Variants in ADAMTS6 observed in about 807,000 individuals in gnomAD.
ADAMTS6 encodes ADAM metallopeptidase with thrombospondin type 1 motif 6.
Under a neutral mutation model 144.3 loss-of-function variants are expected in ADAMTS6, and 23 were observed. That is an observed-to-expected ratio of 0.16 (90% CI 0.11 to 0.23). The LOEUF is 0.23. Among genes scored for constraint, ADAMTS6 ranks in the 10% least tolerant of loss-of-function variants. The probability of loss-of-function intolerance (pLI) is 1.00; values close to 1 mark genes in which losing one functional copy is unlikely to be tolerated. For synonymous variants in ADAMTS6, 444 were observed against 457.5 expected, an observed-to-expected ratio of 0.97 and a Z score of 0.38; for missense variants, 999 against 1,379.6, an observed-to-expected ratio of 0.72 and a Z score of 4.37.
chr5:65,404,305 C>T (rs143791076), intron 7 of ADAMTS6, among the ~76,000 whole-genome samples: 2 of 152,050 alleles, frequency 1.3e-5, no homozygotes, highest in Admixed American at 6.6e-5. Context: ...CTGCCCCTAC[C>T]CCATGACAGG....
intron 7 of ADAMTS6, among the ~76,000 whole-genome samples, chr5:65,399,205 G>A (rs1042935174): frequency 2.6e-5 from 4 of 152,172 alleles, no homozygotes; most frequent in Non-Finnish European, 4.4e-5. Context: ...GCAGTGAGCC[G>A]AGATTGCACC....
chr5:65,209,325 G>A (rs1756333180), intron 20 of ADAMTS6, among the ~76,000 whole-genome samples: 1 of 152,162 alleles, frequency 6.6e-6, no homozygotes, highest in Non-Finnish European at 1.5e-5. Context: ...ATATGTTTGG[G>A]TAAGGAATAC....
rs137954647 is a variant in ADAMTS6, at chr5:65,154,140, G to A, written c.3245-2195C>T. Among the ~76,000 whole-genome samples the A allele has an allele frequency of 4.5e-3, 692 of 152,278 alleles. 12 individuals are homozygous for A. The highest frequency in any genetic ancestry group is 4.2e-3 in the Non-Finnish European group (288 of 68,020). On this transcript the variant is annotated intron_variant, in intron 24 of 24. Coordinates refer to ENST00000381055, the MANE Select transcript of ADAMTS6 (RefSeq NM_197941.4). ...CAAGAATCACTTGAACCCGGGAGGC[G>A]GAGGTTGCAGTGAGCTGAGATTGTG...
chr5:65,159,717 C>G (rs1752640437), intron 24 of ADAMTS6, among the ~76,000 whole-genome samples: 1 of 152,196 alleles, frequency 6.6e-6, no homozygotes, highest in Non-Finnish European at 1.5e-5. Context: ...CCTTTGAGAA[C>G]AGGGAACCTG....
At chr5:65,403,421 T>A (rs1648167942) in intron 7 of ADAMTS6, among the ~76,000 whole-genome samples, 3 of 152,140 alleles carry the variant, frequency 2.0e-5, no homozygotes, top group Admixed American at 2.0e-4. Context: ...TCCAGGCTCA[T>A]CAACAAGCAT....
At chr5:65,368,114 T>A (rs1320424914) in intron 7 of ADAMTS6, among the ~76,000 whole-genome samples, 4 of 152,198 alleles carry the variant, frequency 2.6e-5, no homozygotes. Flanking sequence ...TAAAGGTTAC[T>A]TAACTTTTAA....
intron 7 of ADAMTS6, among the ~76,000 whole-genome samples, chr5:65,348,395 T>C (rs555504086): frequency 1.4e-4 from 22 of 152,226 alleles, no homozygotes; most frequent in African/African-American, 5.1e-4. Context: ...GTAAGTGAAA[T>C]AAGCCAGGCA....
At chr5:65,373,685 A>G (rs1561476604) in intron 7 of ADAMTS6, among the ~76,000 whole-genome samples, 1 of 152,210 alleles carries the variant, frequency 6.6e-6, no homozygotes, top group Non-Finnish European at 1.5e-5. Context: ...AGGTACAAGG[A>G]GAAACTGGTA....
chr5:65,252,844 T>C (rs1353042833), intron 14 of ADAMTS6, among the ~76,000 whole-genome samples: 1 of 152,090 alleles, frequency 6.6e-6, no homozygotes, highest in Non-Finnish European at 1.5e-5. Context: ...TAAACACAGT[T>C]GAATCAGCCT....
At chr5:65,164,669 C>T (rs559186452) in intron 24 of ADAMTS6, among the ~76,000 whole-genome samples, 15 of 149,586 alleles carry the variant, frequency 1.0e-4, no homozygotes, top group South Asian at 4.3e-4. Flanking sequence ...TCTCCCAGCA[C>T]GCAGCTGGAG....
Position 65,376,608 on chromosome 5 carries a change from G to C in ADAMTS6, c.1074-42523C>G, listed in dbSNP as rs112648670. On this transcript the variant is annotated intron_variant, in intron 7 of 24. Coordinates refer to ENST00000381055, the MANE Select transcript of ADAMTS6 (RefSeq NM_197941.4). ...GAACTTTGGGAGGCCAAGGCAGGTG[G>C]ATCAATTGCCTCAGGAATTCAAGAC... is the stretch of plus-strand genomic sequence containing the variant. 7.5e-3 allele frequency among the ~76,000 whole-genome samples: 1,147 copies of C among 152,248 alleles called. 16 individuals are homozygous for C. The highest frequency in any genetic ancestry group is 0.027 in the African/African-American group (1,115 of 41,552).
In ADAMTS6 at chr5:65,230,606, A is replaced by G. The variant is rs1758123057; in HGVS notation, c.1934-4387T>C. 2.0e-5 allele frequency among the ~76,000 whole-genome samples: 2 copies of G among 99,514 alleles called. 1 individual carries two copies. Among genetic ancestry groups the G allele is most frequent in the Non-Finnish European group, 3.9e-5 (2 of 51,762 alleles). 65.3% of individuals were successfully genotyped at this position (99,514 alleles called of 152,430 possible). The stretch of plus-strand genomic sequence containing the variant: ...AAATATATAATACATGATATATATG[A>G]AATATATATAACACATATGTATGAA... On this transcript the variant is annotated intron_variant, in intron 15 of 24. Coordinates refer to ENST00000381055, the MANE Select transcript of ADAMTS6 (RefSeq NM_197941.4).
intron 7 of ADAMTS6, among the ~76,000 whole-genome samples, chr5:65,423,964 C>G (rs1319702780): frequency 6.6e-6 from 1 of 151,740 alleles, no homozygotes; most frequent in Non-Finnish European, 1.5e-5. Context: ...TAATTTTTTT[C>G]TTTCTTAAAT....
At chr5:65,431,111 T>C (rs1275564027) in intron 7 of ADAMTS6, among the ~76,000 whole-genome samples, 3 of 152,184 alleles carry the variant, frequency 2.0e-5, no homozygotes, top group African/African-American at 7.2e-5. Flanking sequence ...TTCAAGGTAT[T>C]TCTTGGAGGA....
intron 7 of ADAMTS6, chr5:65,416,308 G>A (rs968545078): frequency 1.3e-5 from 2 of 152,846 alleles, no homozygotes; most frequent in Non-Finnish European, 2.9e-5. Flanking sequence ...TGGTGATGAT[G>A]TGAAGAAACT....
In ADAMTS6 at chr5:65,215,404, C is replaced by G. The variant is rs989807876; in HGVS notation, c.2356G>C (p.Ala786Pro). 13 of 1,614,046 alleles carry G rather than the reference C, an allele frequency of 8.1e-6. No homozygotes were observed. The highest frequency in any genetic ancestry group is 1.1e-5 in the Non-Finnish European group (13 of 1,179,924). Residue 786 changes from alanine to proline, a missense_variant, in exon 19 of 25, where the codon GCT (alanine) becomes CCT (proline). This residue lies in a region of ADAMTS6 where 619 missense variants were observed against 837.0 expected (regional missense o/e 0.74). Transcript: ENST00000381055. The stretch of plus-strand genomic sequence containing the variant: ...TCAGTTGGTCTCTTGTAATGAAAAG[C>G]TGTCCCAGCAACATCAAATTTCCTA... ...WPRKFDVAGT[A>P]FHYKRPTDEP...
At chr5:65,337,862 C>T (rs1170110977) in intron 7 of ADAMTS6, among the ~76,000 whole-genome samples, 1 of 152,150 alleles carries the variant, frequency 6.6e-6, no homozygotes, top group Non-Finnish European at 1.5e-5. Context: ...AGGAGTCTCG[C>T]TTTATCCCAA....
At chr5:65,373,355 A>C (rs202208181) in intron 7 of ADAMTS6, among the ~76,000 whole-genome samples, 12 of 149,388 alleles carry the variant, frequency 8.0e-5, no homozygotes, top group African/African-American at 2.7e-4. Context: ...ATTGATAAAC[A>C]GCTAGCAAGA....
intron 8 of ADAMTS6, among the ~76,000 whole-genome samples, chr5:65,333,469 T>G (rs868705885): frequency 3.3e-5 from 5 of 152,224 alleles, no homozygotes; most frequent in Middle Eastern, 3.4e-3. Context: ...TAATATTTTA[T>G]AAGATTATTT....
Sources: allele counts gnomAD v4.1 joint callset (sites outside exome capture counted in the v4.1 genomes callset), GRCh38; gene constraint gnomAD v4.1.1; regional missense constraint gnomAD v4.1.1; transcripts MANE v1.5; gene names NCBI Gene and HGNC (gene_info 2026-07-23, HGNC 2026-07-21).